The following AKAP19 variants were observed in gnomAD, a reference collection of about 807,000 sequenced individuals.
AKAP19 encodes small A-kinase anchoring protein.
At chr2:190,060,582 C>A in the AKAP19 span, 1 of 722,302 alleles carries the variant, frequency 1.4e-6, no homozygotes. Flanking sequence ...AACTTTATAA[C>A]TCAAAAAAAT....
At chr2:190,039,159 A>C in the AKAP19 span, among the ~76,000 whole-genome samples, 1 of 151,272 alleles carries the variant, frequency 6.6e-6, no homozygotes, top group Non-Finnish European at 1.5e-5. Context: ...GCTCACTGCA[A>C]CCTCTACCTC....
At chr2:190,034,195 C>G in the AKAP19 span, among the ~76,000 whole-genome samples, 1 of 151,756 alleles carries the variant, frequency 6.6e-6, no homozygotes. Flanking sequence ...TAAATAAATA[C>G]AGCTTAATTC....
At chr2:189,930,307 C>T in the AKAP19 span, 1 of 638,970 alleles carries the variant, frequency 1.6e-6, no homozygotes, top group Non-Finnish European at 2.3e-6. Flanking sequence ...CAACTGGCTC[C>T]ATGGAGGAGG....
At chr2:190,033,805 A>G in the AKAP19 span, among the ~76,000 whole-genome samples, 1 of 152,076 alleles carries the variant, frequency 6.6e-6, no homozygotes, top group Non-Finnish European at 1.5e-5. Flanking sequence ...CCTTTCATCC[A>G]TACCTCTCGT....
chr2:190,085,242 T>G, the AKAP19 span, among the ~76,000 whole-genome samples: 1 of 152,244 alleles, frequency 6.6e-6, no homozygotes, highest in South Asian at 2.1e-4. Context: ...GGATGGTAAT[T>G]AGGTTTCCTG....
chr2:190,087,342 A>G, the AKAP19 span, among the ~76,000 whole-genome samples: 1 of 152,198 alleles, frequency 6.6e-6, no homozygotes, highest in Non-Finnish European at 1.5e-5. Context: ...TATGTTCTTA[A>G]GCCCACACGT....
chr2:189,900,477 A>G, the AKAP19 span, among the ~76,000 whole-genome samples: 37 of 152,348 alleles, frequency 2.4e-4, 1 homozygote, highest in African/African-American at 8.7e-4. Context: ...AGCAAATAAA[A>G]TATCCAAATA....
chr2:190,113,659 T>C, the AKAP19 span, among the ~76,000 whole-genome samples: 1 of 152,220 alleles, frequency 6.6e-6, no homozygotes, highest in African/African-American at 2.4e-5. Context: ...GTATAGGAGC[T>C]AGAAGATAAA....
chr2:190,131,111 G>C, the AKAP19 span, among the ~76,000 whole-genome samples: 1 of 152,112 alleles, frequency 6.6e-6, no homozygotes, highest in Non-Finnish European at 1.5e-5. Context: ...AGAATCTTTT[G>C]TTCTAATATT....
the AKAP19 span, among the ~76,000 whole-genome samples, chr2:190,062,885 A>G: frequency 6.6e-6 from 1 of 152,092 alleles, no homozygotes; most frequent in Non-Finnish European, 1.5e-5. Context: ...GTTACAGTCA[A>G]GGGTGAGCTG....
the AKAP19 span, among the ~76,000 whole-genome samples, chr2:190,090,590 A>T: frequency 6.6e-6 from 1 of 152,194 alleles, no homozygotes; most frequent in Admixed American, 6.5e-5. Context: ...TCTTGATTTT[A>T]TATAACCAAG....
At chr2:190,175,519 C>T in the AKAP19 span, among the ~76,000 whole-genome samples, 2 of 152,266 alleles carry the variant, frequency 1.3e-5, no homozygotes, top group African/African-American at 2.4e-5. Context: ...TTTGGGTTGC[C>T]GGACATTTAG....
chr2:189,888,481 C>T, the AKAP19 span, among the ~76,000 whole-genome samples: 1 of 151,832 alleles, frequency 6.6e-6, no homozygotes. Flanking sequence ...TGTGAAGAAA[C>T]TCAATGGTAG....
chr2:190,148,167 C>T, the AKAP19 span, among the ~76,000 whole-genome samples: 139,898 of 152,168 alleles, frequency 0.92, 65,048 homozygotes, highest in East Asian at 1. Context: ...TTTTATTACA[C>T]TGAGGATGTC....
chr2:189,942,133 T>C, the AKAP19 span, among the ~76,000 whole-genome samples: 1 of 152,332 alleles, frequency 6.6e-6, no homozygotes, highest in East Asian at 1.9e-4. Context: ...TGTTGAATTA[T>C]AATCTCCCAT....
chr2:190,122,654 C>G, the AKAP19 span, among the ~76,000 whole-genome samples: 1 of 152,148 alleles, frequency 6.6e-6, no homozygotes, highest in Non-Finnish European at 1.5e-5. Context: ...TAGTGCTTGG[C>G]TTTTTACTGT....
chr2:189,977,479 C>A, the AKAP19 span, among the ~76,000 whole-genome samples: 14 of 152,310 alleles, frequency 9.2e-5, no homozygotes, highest in African/African-American at 3.1e-4. Context: ...AAAGTCACCT[C>A]AGACTGATAT....
At chr2:190,057,416 T>TA in the AKAP19 span, 1 of 1,613,458 alleles carries the variant, frequency 6.2e-7, no homozygotes, top group Non-Finnish European at 8.5e-7. Flanking sequence ...ACCAGATGAG[T>TA]ATGAGGATAT....
At chr2:190,106,859 G>T in the AKAP19 span, among the ~76,000 whole-genome samples, 1 of 152,184 alleles carries the variant, frequency 6.6e-6, no homozygotes, top group Non-Finnish European at 1.5e-5. Flanking sequence ...AGCAACTCAA[G>T]AAGTGTGTTT....
Sources: gnomAD v4.1 joint callset for allele counts (sites outside exome capture counted in the v4.1 genomes callset) on GRCh38, gnomAD v4.1.1 for gene constraint, MANE v1.5 for transcripts, NCBI Gene and HGNC (gene_info 2026-07-23, HGNC 2026-07-21) for gene names.